ANKS1B: variants seen among roughly 807,000 people sequenced by gnomAD.
ANKS1B encodes the protein ankyrin repeat and sterile alpha motif domain containing 1B.
A neutral mutation model predicts 148.3 loss-of-function variants in ANKS1B; 36 were observed. The ratio of observed to expected loss-of-function variants is 0.24; its 90% CI spans 0.19 to 0.32. ANKS1B has a LOEUF of 0.32. Among genes scored for constraint, ANKS1B ranks in the 10% least tolerant of loss-of-function variants. The pLI is 1.00. For synonymous variants in ANKS1B, 542 were observed against 560.8 expected (o/e 0.97, Z 0.47); for missense variants, 1,157 against 1,542.6 (o/e 0.75, Z 4.19).
chr12:99,647,316 T>C (rs952617777), intron 9 of ANKS1B, among the ~76,000 whole-genome samples: 1 of 152,198 alleles, frequency 6.6e-6, no homozygotes, highest in African/African-American at 2.4e-5. Context: ...CCATAATTTA[T>C]TTAAGCAATC....
At position 98,857,817 on chromosome 12, in the gene ANKS1B, T is replaced by C. The variant is rs1317312692; in HGVS notation, c.2779-25681A>G. Among the ~76,000 whole-genome samples, 6 of 152,326 alleles carry C rather than the reference T, an allele frequency of 3.9e-5. No homozygotes were observed. The East Asian group carries it at 9.7e-4, about 25-fold the overall frequency. On this transcript the variant is annotated intron_variant, in intron 17 of 26. Coordinates refer to ENST00000683438, the MANE Select transcript of ANKS1B (RefSeq NM_001352186.2). ...GCTAGTTGAAGATGTAAAGACATCA[T>C]ACATCTTTTCAAAGCACAGGAAGTT...
At chr12:98,890,758 T>C (rs2099750892) in intron 17 of ANKS1B, among the ~76,000 whole-genome samples, 2 of 152,202 alleles carry the variant, frequency 1.3e-5, no homozygotes, top group African/African-American at 2.4e-5. Flanking sequence ...ATTCTTAAAA[T>C]ACAATGTTCT....
chr12:98,855,821 C>CA (rs1567202167), intron 17 of ANKS1B, among the ~76,000 whole-genome samples: 1 of 151,358 alleles, frequency 6.6e-6, no homozygotes, highest in African/African-American at 2.4e-5. Flanking sequence ...GTCCTTCTCC[C>CA]TTTTTTTTTA....
intron 1 of ANKS1B, among the ~76,000 whole-genome samples, chr12:99,854,162 C>A (rs1297180228): frequency 6.6e-6 from 1 of 152,166 alleles, no homozygotes; most frequent in Non-Finnish European, 1.5e-5. Flanking sequence ...CAGGTGCCCA[C>A]CACCGCGCCC....
intron 26 of ANKS1B, among the ~76,000 whole-genome samples, chr12:98,748,911 A>T (rs1280280496): frequency 1.3e-5 from 2 of 152,226 alleles, no homozygotes; most frequent in African/African-American, 4.8e-5. Context: ...TGAATACAAT[A>T]GTCTAAGAGA....
chr12:99,460,764 G>C (rs1255684978), intron 10 of ANKS1B, among the ~76,000 whole-genome samples: 1 of 151,906 alleles, frequency 6.6e-6, no homozygotes, highest in Non-Finnish European at 1.5e-5. Context: ...ACATGGATGT[G>C]GTGAAAAGGG....
rs117222479 is a variant in ANKS1B at position 98,796,017 on chromosome 12, A to G, written c.3342+2917T>C. 1.9e-3 allele frequency among the ~76,000 whole-genome samples: 295 copies of G among 152,280 alleles called. 8 individuals are homozygous for G. The East Asian group carries it at 0.051, about 26-fold the overall frequency. On this transcript the variant is annotated intron_variant, in intron 22 of 26. Transcript: ENST00000683438. ...ACTGATTTTAGGAGGGCATGAGTATATGTCATTTTTAAGATCGTCTATTAT... is the reference window on the plus strand; with the variant it reads ...ACTGATTTTAGGAGGGCATGAGTATGTGTCATTTTTAAGATCGTCTATTAT...
intron 1 of ANKS1B, among the ~76,000 whole-genome samples, chr12:99,908,460 G>C (rs1267025042): frequency 6.6e-6 from 1 of 152,042 alleles, no homozygotes; most frequent in Non-Finnish European, 1.5e-5. Context: ...TGCACCCATT[G>C]TCCCAGCTAC....
intron 1 of ANKS1B, among the ~76,000 whole-genome samples, chr12:99,860,491 G>T (rs909075870): frequency 6.6e-6 from 1 of 152,178 alleles, no homozygotes; most frequent in East Asian, 1.9e-4. Flanking sequence ...GAAAGGAAAA[G>T]TCTCCCAAGA....
intron 4 of ANKS1B, among the ~76,000 whole-genome samples, chr12:99,799,667 G>A (rs980580145): frequency 1.3e-5 from 2 of 151,944 alleles, no homozygotes; most frequent in Non-Finnish European, 2.9e-5. Flanking sequence ...TAGTGAGTAA[G>A]GTAAGTAAAG....
intron 8 of ANKS1B, among the ~76,000 whole-genome samples, chr12:99,754,011 A>G (rs1455707369): frequency 2.0e-5 from 3 of 151,980 alleles, no homozygotes; most frequent in Non-Finnish European, 4.4e-5. Context: ...CAACAAGAGC[A>G]AAACTCCATC....
intron 9 of ANKS1B, among the ~76,000 whole-genome samples, chr12:98,737,000 T>A (rs569448340): frequency 2.6e-5 from 4 of 152,336 alleles, no homozygotes; most frequent in Non-Finnish European, 4.4e-5. Context: ...AGTTGTCTTA[T>A]CTGAAAAATG....
At chr12:98,736,010 G>C (rs1029759238) in intron 9 of ANKS1B, among the ~76,000 whole-genome samples, 4 of 152,326 alleles carry the variant, frequency 2.6e-5, no homozygotes, top group Non-Finnish European at 5.9e-5. Context: ...TGTATTCTGG[G>C]AGCAGCCAGA....
At chr12:99,035,476 C>T (rs761035180) in intron 17 of ANKS1B, among the ~76,000 whole-genome samples, 7 of 152,226 alleles carry the variant, frequency 4.6e-5, no homozygotes, top group South Asian at 2.1e-4. Flanking sequence ...AATAATATTT[C>T]GGCACAGCTG....
chr12:99,226,248 G>A (rs1453707416), intron 14 of ANKS1B, among the ~76,000 whole-genome samples: 1 of 152,166 alleles, frequency 6.6e-6, no homozygotes, highest in African/African-American at 2.4e-5. Context: ...GGGTAATAGA[G>A]TCCTGTTTTC....
chr12:99,855,914 G>T (rs1323128357), intron 1 of ANKS1B, among the ~76,000 whole-genome samples: 1 of 152,112 alleles, frequency 6.6e-6, no homozygotes, highest in Non-Finnish European at 1.5e-5. Flanking sequence ...AGCAAAGGCA[G>T]TGCTAAGAGG....
chr12:99,091,711 T>C (rs2054056230), intron 15 of ANKS1B, among the ~76,000 whole-genome samples: 1 of 152,196 alleles, frequency 6.6e-6, no homozygotes, highest in African/African-American at 2.4e-5. Flanking sequence ...GCAGTTGGTG[T>C]TCATTAGTGT....
At chr12:99,186,865 G>A (rs2079929945) in intron 14 of ANKS1B, among the ~76,000 whole-genome samples, 1 of 152,050 alleles carries the variant, frequency 6.6e-6, no homozygotes, top group South Asian at 2.1e-4. Flanking sequence ...AAAACTGGAT[G>A]GAGAATGAGT....
At chr12:99,634,801 G>A (rs542594706) in intron 9 of ANKS1B, among the ~76,000 whole-genome samples, 10 of 152,228 alleles carry the variant, frequency 6.6e-5, no homozygotes, top group South Asian at 4.2e-4. Context: ...AAAACTGTGC[G>A]TCAAGGGGAC....
Sources: allele counts gnomAD v4.1 joint callset (sites outside exome capture counted in the v4.1 genomes callset), GRCh38; gene constraint gnomAD v4.1.1; transcripts MANE v1.5; gene names NCBI Gene and HGNC (gene_info 2026-07-23, HGNC 2026-07-21).